LRMDA: variants seen among roughly 807,000 people sequenced by gnomAD.
LRMDA encodes leucine rich melanocyte differentiation associated, also known as leucine-rich melanocyte differentiation-associated protein.
A neutral mutation model predicts 29.8 loss-of-function variants in LRMDA; 18 were observed. That is an observed-to-expected ratio of 0.60 (90% CI 0.42 to 0.90). LRMDA has a LOEUF of 0.90. Ranked by LOEUF, LRMDA falls within the 40% of genes least tolerant of loss-of-function variation. The pLI is 0.00. For synonymous variants in LRMDA, 125 were observed against 109.4 expected (o/e 1.14, Z -0.89); for missense variants, 273 against 273.9 (o/e 1.00, Z 0.02).
intron 5 of LRMDA, chr10:76,270,617 T>G (rs553890988): frequency 1.0e-4 from 16 of 152,488 alleles, no homozygotes; most frequent in Middle Eastern, 3.4e-3. Context: ...CCTGTCTTCT[T>G]TTCCTTCTGC....
At chr10:75,762,553 G>A (rs781730678) in intron 2 of LRMDA, among the ~76,000 whole-genome samples, 2 of 152,176 alleles carry the variant, frequency 1.3e-5, no homozygotes, top group Non-Finnish European at 2.9e-5. Context: ...CTTGTAAACC[G>A]CTGTGGACTT....
intron 2 of LRMDA, among the ~76,000 whole-genome samples, chr10:76,009,811 C>T (rs776573345): frequency 2.6e-5 from 4 of 152,124 alleles, no homozygotes; most frequent in East Asian, 1.9e-4. Flanking sequence ...TCCTGACAGA[C>T]GGCTGCCTCT....
intron 3 of LRMDA, among the ~76,000 whole-genome samples, chr10:76,041,091 A>G (rs1848331954): frequency 6.6e-6 from 1 of 152,208 alleles, no homozygotes; most frequent in Admixed American, 6.5e-5. Context: ...AAACTTCAGC[A>G]TATTGTTGAG....
intron 2 of LRMDA, among the ~76,000 whole-genome samples, chr10:75,570,742 G>A (rs980776598): frequency 6.6e-6 from 1 of 152,132 alleles, no homozygotes; most frequent in Non-Finnish European, 1.5e-5. Flanking sequence ...TATTTAAAAG[G>A]TTTCTTTTGT....
chr10:75,512,604 A>G (rs530763724), intron 2 of LRMDA, among the ~76,000 whole-genome samples: 6 of 152,202 alleles, frequency 3.9e-5, no homozygotes, highest in Admixed American at 3.9e-4. Flanking sequence ...GTGAGTCGTG[A>G]TGGTTCTTGG....
At chr10:76,385,318 A>C (rs2132476836) in intron 6 of LRMDA, among the ~76,000 whole-genome samples, 1 of 152,244 alleles carries the variant, frequency 6.6e-6, no homozygotes, top group South Asian at 2.1e-4. Flanking sequence ...GTGCTTCCTA[A>C]ACAGTCTAAG....
At chr10:75,692,148 GAT>G (rs917687058) in intron 2 of LRMDA, among the ~76,000 whole-genome samples, 2 of 149,108 alleles carry the variant, frequency 1.3e-5, no homozygotes, top group African/African-American at 5.0e-5. Context: ...GCTAAAGTGA[GAT>G]ATGATTGTGC....
intron 2 of LRMDA, among the ~76,000 whole-genome samples, chr10:75,566,899 C>G (rs985539892): frequency 6.6e-6 from 1 of 152,204 alleles, no homozygotes; most frequent in Admixed American, 6.5e-5. Context: ...ACTCCTCTGG[C>G]CTTCCTTTGT....
chr10:75,799,487 G>C (rs1843710091), intron 2 of LRMDA, among the ~76,000 whole-genome samples: 1 of 150,782 alleles, frequency 6.6e-6, no homozygotes, highest in African/African-American at 2.4e-5. Flanking sequence ...GTTGGATCTT[G>C]GTGTTTTATT....
At chr10:75,641,732 G>A (rs978221244) in intron 2 of LRMDA, among the ~76,000 whole-genome samples, 3 of 152,024 alleles carry the variant, frequency 2.0e-5, no homozygotes, top group South Asian at 2.1e-4. Flanking sequence ...GAGCCAAAAA[G>A]CCCTTGCCGT....
intron 2 of LRMDA, among the ~76,000 whole-genome samples, chr10:75,552,718 C>A (rs1447638545): frequency 1.3e-5 from 2 of 151,540 alleles, no homozygotes; most frequent in Non-Finnish European, 2.9e-5. Flanking sequence ...ATATGTTATA[C>A]TGTTTACTAT....
chr10:76,533,158 A>C (rs1416939985), intron 6 of LRMDA, among the ~76,000 whole-genome samples: 1 of 150,974 alleles, frequency 6.6e-6, no homozygotes, highest in African/African-American at 2.4e-5. Flanking sequence ...AGAGTGAGAG[A>C]GAGCGAGAGA....
intron 5 of LRMDA, chr10:76,260,998 A>G (rs1839934316): frequency 1.3e-5 from 2 of 152,050 alleles, no homozygotes; most frequent in Non-Finnish European, 2.9e-5. Context: ...GCTTGTTCCA[A>G]TAGTTCAAGA....
chr10:75,683,871 T>C, intron 2 of LRMDA, among the ~76,000 whole-genome samples: 1 of 152,230 alleles, frequency 6.6e-6, no homozygotes, highest in East Asian at 1.9e-4. Context: ...ACTCCATCCC[T>C]CACCTCACAG....
At chr10:76,452,772 T>C (rs949802901) in intron 6 of LRMDA, among the ~76,000 whole-genome samples, 1 of 152,266 alleles carries the variant, frequency 6.6e-6, no homozygotes, top group African/African-American at 2.4e-5. Flanking sequence ...AAAATGTTTA[T>C]GTATTTGTTT....
chr10:76,011,256 C>T (rs1847772900), intron 2 of LRMDA, among the ~76,000 whole-genome samples: 1 of 152,178 alleles, frequency 6.6e-6, no homozygotes, highest in Non-Finnish European at 1.5e-5. Context: ...GGAGGATTTT[C>T]ATCCATTTAT....
chr10:76,162,563 C>T (rs747036451), intron 5 of LRMDA, among the ~76,000 whole-genome samples: 4 of 152,196 alleles, frequency 2.6e-5, no homozygotes, highest in Non-Finnish European at 5.9e-5. Flanking sequence ...GAAAGGGGAG[C>T]AGGTGGATAG....
chr10:75,671,646 G>A (rs556063187), intron 2 of LRMDA, among the ~76,000 whole-genome samples: 1 of 152,230 alleles, frequency 6.6e-6, no homozygotes, highest in East Asian at 1.9e-4. Context: ...TGGGGTGGGG[G>A]AGCTCAGGGA....
intron 6 of LRMDA, among the ~76,000 whole-genome samples, chr10:76,384,932 T>A (rs1841641851): frequency 6.6e-6 from 1 of 152,210 alleles, no homozygotes; most frequent in South Asian, 2.1e-4. Flanking sequence ...AATTGGGTTG[T>A]CAGTTCCAGA....
Sources: gnomAD v4.1 joint callset for allele counts (sites outside exome capture counted in the v4.1 genomes callset) on GRCh38, gnomAD v4.1.1 for gene constraint, MANE v1.5 for transcripts, NCBI Gene and HGNC (gene_info 2026-07-23, HGNC 2026-07-21) for gene names.